The following FMN2 variants were observed in gnomAD, a reference collection of about 807,000 sequenced individuals.
FMN2 encodes formin 2, also known as formin-2.
A neutral mutation model predicts 142.3 loss-of-function variants in FMN2; 51 were observed. The ratio of observed to expected loss-of-function variants is 0.36; its 90% confidence interval spans 0.29 to 0.45. The LOEUF (loss-of-function observed/expected upper bound fraction) is 0.45. Among genes scored for constraint, FMN2 ranks in the 20% least tolerant of loss-of-function variants. The pLI is 1.00. For missense variants in FMN2, 1,936 were observed against 2,122.8 expected, an observed-to-expected ratio of 0.91 and a Z score of 1.73; for synonymous variants, 882 against 869.8, an observed-to-expected ratio of 1.01 and a Z score of -0.25.
intron 15 of FMN2, among the ~76,000 whole-genome samples, chr1:240,430,909 A>G (rs956744053): frequency 2.0e-5 from 3 of 149,326 alleles, no homozygotes; most frequent in African/African-American, 7.7e-5. Context: ...TTTTTTAAAA[A>G]TGTATTTCTT....
rs571937588 is a variant in FMN2 at position 240,225,901 on chromosome 1, A to C, written c.4065+14666A>C. ...TTCTAGAGTTAAAAGTACAATAACCAAAATGGGAAAAAATTACTAGATGAT... is the reference window on the plus strand; with the variant it reads ...TTCTAGAGTTAAAAGTACAATAACCCAAATGGGAAAAAATTACTAGATGAT... On this transcript the variant is annotated intron_variant, in intron 6 of 17. Coordinates refer to ENST00000319653, the MANE Select transcript of FMN2 (RefSeq NM_020066.5). Among the ~76,000 whole-genome samples, 7 of 152,330 alleles carry C rather than the reference A, an allele frequency of 4.6e-5. No homozygotes were observed. In the East Asian group the frequency reaches 1.4e-3, roughly 29 times the overall value.
In FMN2 at chr1:240,396,759, T is replaced by C. The variant is rs371562729; in HGVS notation, c.4910+4197T>C. Among the ~76,000 whole-genome samples the C allele has an allele frequency of 9.5e-4, 145 of 152,344 alleles. 4 individuals carry two copies. The South Asian group carries it at 0.028, about 29-fold the overall frequency. On this transcript the variant is annotated intron_variant, in intron 15 of 17. Coordinates refer to ENST00000319653, the MANE Select transcript of FMN2 (RefSeq NM_020066.5). Reference sequence around the variant, plus strand: ...CTTAGGATAATGGTCTCCAGCTCCATCTGCGTTCCTGCAAAGGACATGATT... The same window carrying C: ...CTTAGGATAATGGTCTCCAGCTCCACCTGCGTTCCTGCAAAGGACATGATT...
At chr1:240,171,336 G>T in intron 2 of FMN2, 1 of 655,668 alleles carries the variant, frequency 1.5e-6, no homozygotes. Flanking sequence ...GTGATGTGAT[G>T]GGAGCAGCCT....
intron 17 of FMN2, 74 bp from the exon 18 acceptor site, chr1:240,474,053 TA>T: frequency 7.6e-7 from 1 of 1,310,298 alleles, no homozygotes; most frequent in Non-Finnish European, 1.0e-6. Context: ...AGGTCTTTTT[TA>T]GGCTACTCTA....
chr1:240,351,465 G>A (rs1672095282), intron 13 of FMN2, among the ~76,000 whole-genome samples: 1 of 152,088 alleles, frequency 6.6e-6, no homozygotes, highest in Non-Finnish European at 1.5e-5. Context: ...AATTCTACAT[G>A]TTTCCCAGTG....
intron 16 of FMN2, among the ~76,000 whole-genome samples, chr1:240,460,113 T>C (rs1371940829): frequency 6.6e-6 from 1 of 152,230 alleles, no homozygotes; most frequent in East Asian, 1.9e-4. Flanking sequence ...TGCTTTTCTT[T>C]TTCAAAGATG....
chr1:240,309,471 G>A (rs1670528798), intron 8 of FMN2, among the ~76,000 whole-genome samples: 1 of 152,158 alleles, frequency 6.6e-6, no homozygotes. Context: ...CTTGGCTGGT[G>A]CAGGTGCACA....
intron 16 of FMN2, among the ~76,000 whole-genome samples, chr1:240,454,799 C>G (rs2103217133): frequency 6.6e-6 from 1 of 151,752 alleles, no homozygotes; most frequent in South Asian, 2.1e-4. Context: ...CACCAGAGCA[C>G]AGGGTATGGA....
chr1:240,145,101 C>A, intron 2 of FMN2: 2 of 1,472,130 alleles, frequency 1.4e-6, no homozygotes, highest in Middle Eastern at 1.7e-4. Context: ...GACTTGGTCA[C>A]CAAAGTCATG....
At chr1:240,433,425 T>C (rs183191017) in intron 15 of FMN2, among the ~76,000 whole-genome samples, 3 of 152,378 alleles carry the variant, frequency 2.0e-5, no homozygotes, top group African/African-American at 7.2e-5. Context: ...CTTTTGTTTC[T>C]TTTGCACAAT....
chr1:240,290,817 G>T (rs1369776750), intron 7 of FMN2, among the ~76,000 whole-genome samples: 2 of 119,068 alleles, frequency 1.7e-5, no homozygotes, highest in Non-Finnish European at 3.2e-5. Flanking sequence ...TTGAGACAGA[G>T]TCTGGCTCTG....
chr1:240,343,652 C>T (rs949921491), intron 13 of FMN2, among the ~76,000 whole-genome samples: 1 of 152,176 alleles, frequency 6.6e-6, no homozygotes, highest in Non-Finnish European at 1.5e-5. Context: ...AATATAAATA[C>T]TTTACCAGGT....
chr1:240,153,397 T>TA (rs1206094098), intron 2 of FMN2, among the ~76,000 whole-genome samples: 2 of 151,058 alleles, frequency 1.3e-5, no homozygotes, highest in African/African-American at 4.9e-5. Flanking sequence ...TTTTTTTTTT[T>TA]TTTTTTTGAC....
intron 15 of FMN2, among the ~76,000 whole-genome samples, chr1:240,437,507 T>G (rs1206388617): frequency 1.3e-5 from 2 of 152,000 alleles, no homozygotes; most frequent in Non-Finnish European, 2.9e-5. Context: ...TTTCACCGTG[T>G]TAGCCAGGAT....
chr1:240,197,567 A>G (rs1665962578), intron 4 of FMN2, among the ~76,000 whole-genome samples: 1 of 152,104 alleles, frequency 6.6e-6, no homozygotes, highest in African/African-American at 2.4e-5. Context: ...GTTAGAATTG[A>G]TTTGAATTAG....
intron 16 of FMN2, among the ~76,000 whole-genome samples, chr1:240,444,536 A>G (rs2103194316): frequency 2.1e-5 from 3 of 142,268 alleles, no homozygotes; most frequent in East Asian, 4.3e-4. Flanking sequence ...GTCTAACTTA[A>G]TTTACTGGTT....
At chr1:240,168,832 A>C in intron 2 of FMN2, among the ~76,000 whole-genome samples, 1 of 152,210 alleles carries the variant, frequency 6.6e-6, no homozygotes, top group East Asian at 1.9e-4. Flanking sequence ...GGTGGGCCAT[A>C]TGTGAATTTC....
chr1:240,187,363 CAG>C (rs1193716609), intron 3 of FMN2, among the ~76,000 whole-genome samples: 1 of 151,516 alleles, frequency 6.6e-6, no homozygotes, highest in South Asian at 2.1e-4. Flanking sequence ...GCATGCCAGT[CAG>C]GGGTGCAACG....
At chr1:240,219,536 AT>A (rs1461700823) in intron 6 of FMN2, among the ~76,000 whole-genome samples, 2 of 151,898 alleles carry the variant, frequency 1.3e-5, no homozygotes, top group South Asian at 2.1e-4. Flanking sequence ...TAGAAAAAAA[AT>A]AATAAAGTTC....
Sources: gnomAD v4.1 joint callset for allele counts (sites outside exome capture counted in the v4.1 genomes callset) on GRCh38, gnomAD v4.1.1 for gene constraint, MANE v1.5 for transcripts, NCBI Gene and HGNC (gene_info 2026-07-23, HGNC 2026-07-21) for gene names.